IQCM: variants seen among roughly 807,000 people sequenced by gnomAD.
The protein encoded by IQCM is IQ motif containing M.
IQCM carries 45 observed loss-of-function variants against 57.6 expected under a neutral mutation model. The observed-to-expected ratio is 0.78, with a 90% CI of 0.62 to 1.00. The LOEUF is 1.00. Among genes scored for constraint, IQCM ranks in the 50% least tolerant of loss-of-function variants. The pLI is 0.00. For synonymous variants in IQCM, 148 were observed against 158.9 expected, an observed-to-expected ratio of 0.93 and a Z score of 0.51; for missense variants, 468 against 511.6, an observed-to-expected ratio of 0.91 and a Z score of 0.82.
intron 13 of IQCM, among the ~76,000 whole-genome samples, chr4:149,418,940 G>A (rs1176331417): frequency 2.0e-5 from 3 of 152,126 alleles, no homozygotes; most frequent in African/African-American, 4.8e-5. Context: ...AACAAGGGAA[G>A]TGAAGGACCT....
intron 13 of IQCM, among the ~76,000 whole-genome samples, chr4:149,428,776 G>A (rs992831868): frequency 2.6e-5 from 4 of 151,532 alleles, no homozygotes; most frequent in African/African-American, 9.7e-5. Context: ...TTTTTAATGG[G>A]AAAAAAACAG....
At chr4:149,617,825 A>G (rs1372423663) in intron 8 of IQCM, among the ~76,000 whole-genome samples, 2 of 152,180 alleles carry the variant, frequency 1.3e-5, no homozygotes, top group Non-Finnish European at 2.9e-5. Context: ...CAACAAGGAC[A>G]ACTAAAAAAT....
chr4:149,383,310 T>C (rs150741890), intron 13 of IQCM, among the ~76,000 whole-genome samples: 1 of 152,300 alleles, frequency 6.6e-6, no homozygotes, highest in East Asian at 1.9e-4. Context: ...AGGTAATATC[T>C]AGTCATTAAA....
chr4:149,496,297 G>C (rs573503194), intron 12 of IQCM, among the ~76,000 whole-genome samples: 7 of 152,084 alleles, frequency 4.6e-5, no homozygotes, highest in African/African-American at 1.7e-4. Context: ...ATGGTAGACA[G>C]AATAATAGTA....
At chr4:149,403,721 C>T (rs945383475) in intron 13 of IQCM, among the ~76,000 whole-genome samples, 1 of 152,026 alleles carries the variant, frequency 6.6e-6, no homozygotes, top group African/African-American at 2.4e-5. Context: ...GAAAAAGGAA[C>T]AGCTTCGAGG....
At position 149,368,771 on chromosome 4, in the gene IQCM, C is replaced by T. The variant is rs12642157; in HGVS notation, c.1391-16705G>A. On this transcript the variant is annotated intron_variant, in intron 13 of 13. Transcript: ENST00000636793. ...ATATATACATGTATATATATATATA[C>T]ATATATATACATGTATATATATACA... Among the ~76,000 whole-genome samples the T allele has an allele frequency of 1.0e-3, 76 of 73,206 alleles. 2 individuals are homozygous for T. The highest frequency in any genetic ancestry group is 9.8e-3 in the Middle Eastern group (1 of 102). The allele number at this position is 73,206 out of a possible 152,430, so 48.0% of individuals were successfully genotyped here.
At chr4:149,599,791 G>A (rs969140550) in intron 8 of IQCM, among the ~76,000 whole-genome samples, 4 of 152,040 alleles carry the variant, frequency 2.6e-5, no homozygotes, top group Non-Finnish European at 4.4e-5. Flanking sequence ...GCTGCTGCCA[G>A]GTGTTAATTA....
At chr4:149,401,784 AGCAC>A (rs1732635165) in intron 13 of IQCM, among the ~76,000 whole-genome samples, 1 of 151,846 alleles carries the variant, frequency 6.6e-6, no homozygotes, top group Non-Finnish European at 1.5e-5. Context: ...ATTATTTTTC[AGCAC>A]TGCTAATGAA....
chr4:149,766,273 A>C (rs1423277470), intron 2 of IQCM, among the ~76,000 whole-genome samples: 4 of 152,138 alleles, frequency 2.6e-5, no homozygotes, highest in Non-Finnish European at 4.4e-5. Flanking sequence ...AGTAGGATGA[A>C]GGGGCAGTCA....
chr4:149,814,539 AT>A lies in IQCM; in HGVS notation c.-49+771del, dbSNP rs562991627. On this transcript the variant is annotated intron_variant, in intron 2 of 13. Coordinates refer to ENST00000636793, the MANE Select transcript of IQCM (RefSeq NM_001363507.2). ...TTTATACTTAATCATTCCAAAAAAA[AT>A]AGACTGTAAATATTATTAGTATGTT... 1.7e-3 allele frequency among the ~76,000 whole-genome samples: 265 copies of A among 152,090 alleles called. 1 individual carries two copies. The highest frequency in any genetic ancestry group is 5.9e-3 in the African/African-American group (246 of 41,558).
chr4:149,814,777 T>C (rs942908893), intron 2 of IQCM, among the ~76,000 whole-genome samples: 3 of 151,932 alleles, frequency 2.0e-5, no homozygotes, highest in Admixed American at 6.6e-5. Flanking sequence ...GCAGAGACCA[T>C]CAAGAGTAAA....
intron 7 of IQCM, among the ~76,000 whole-genome samples, chr4:149,639,554 A>C (rs1211500844): frequency 5.3e-5 from 8 of 152,130 alleles, no homozygotes; most frequent in African/African-American, 1.9e-4. Context: ...ATGGTGCCAA[A>C]TCAAATTTGA....
At chr4:149,430,485 C>A (rs2111256395) in intron 13 of IQCM, among the ~76,000 whole-genome samples, 1 of 151,948 alleles carries the variant, frequency 6.6e-6, no homozygotes, top group African/African-American at 2.4e-5. Flanking sequence ...AATTTTTTAA[C>A]CCATCACCTC....
chr4:149,611,623 C>A (rs1262594336), intron 8 of IQCM, among the ~76,000 whole-genome samples: 1 of 151,942 alleles, frequency 6.6e-6, no homozygotes, highest in Non-Finnish European at 1.5e-5. Context: ...CATATGGGAG[C>A]TAAAAAATAA....
chr4:149,732,449 T>G (rs1001957446), intron 5 of IQCM, among the ~76,000 whole-genome samples: 1 of 152,136 alleles, frequency 6.6e-6, no homozygotes, highest in Non-Finnish European at 1.5e-5. Flanking sequence ...TCCATAATGC[T>G]TCACACTCAC....
At chr4:149,396,523 A>G (rs775241649) in intron 13 of IQCM, among the ~76,000 whole-genome samples, 1 of 152,012 alleles carries the variant, frequency 6.6e-6, no homozygotes, top group Non-Finnish European at 1.5e-5. Context: ...TGATTTTTGC[A>G]TATCAGTATA....
chr4:149,389,751 A>C (rs1731713163), intron 13 of IQCM, among the ~76,000 whole-genome samples: 1 of 151,484 alleles, frequency 6.6e-6, no homozygotes, highest in African/African-American at 2.4e-5. Context: ...AGATATACCT[A>C]ATGCTAGATG....
intron 5 of IQCM, among the ~76,000 whole-genome samples, chr4:149,697,039 G>A (rs1015845945): frequency 1.3e-5 from 2 of 152,030 alleles, no homozygotes; most frequent in African/African-American, 4.8e-5. Flanking sequence ...ATAGAGGCCT[G>A]CATATCTTTT....
Position 149,606,568 on chromosome 4 carries a change from G to T in IQCM, c.681+14561C>A, listed in dbSNP as rs150027282. 5.5e-3 allele frequency among the ~76,000 whole-genome samples: 832 copies of T among 152,208 alleles called. 4 individuals are homozygous for T. Among genetic ancestry groups the T allele is most frequent in the Admixed American group, 9.3e-3 (142 of 15,278 alleles). ...GACCTCACCAAATTGACAAAATAAG[G>T]CACCAGTGATCAATCCTGGAGTGAT... On this transcript the variant is annotated intron_variant, in intron 8 of 13. Coordinates refer to ENST00000636793, the MANE Select transcript of IQCM (RefSeq NM_001363507.2).
Sources: gnomAD v4.1 joint callset for allele counts (sites outside exome capture counted in the v4.1 genomes callset) on GRCh38, gnomAD v4.1.1 for gene constraint, MANE v1.5 for transcripts, NCBI Gene and HGNC (gene_info 2026-07-23, HGNC 2026-07-21) for gene names.